Variants in LAIR1 observed in about 807,000 individuals in gnomAD.
The protein encoded by LAIR1 is leukocyte-associated immunoglobulin-like receptor 1.
A neutral mutation model predicts 32.8 loss-of-function variants in LAIR1; 24 were observed. The ratio of observed to expected loss-of-function variants is 0.73; its 90% CI spans 0.53 to 1.03. The LOEUF (loss-of-function observed/expected upper bound fraction) is 1.03, where lower values mean the gene tolerates loss of function less well. Among genes scored for constraint, LAIR1 ranks in the 50% least tolerant of loss-of-function variants. The pLI, the probability that LAIR1 is intolerant of heterozygous loss-of-function variation, is 0.00. For missense variants in LAIR1, 355 were observed against 347.5 expected (o/e 1.02, Z -0.17); for synonymous variants, 150 against 140.5 (o/e 1.07, Z -0.48).
Position 54,356,687 on chromosome 19 carries a change from C to T in LAIR1, c.455-68G>A, listed in dbSNP as rs749744389. The T allele has an allele frequency of 5.1e-4, 749 of 1,468,400 alleles. 1 individual carries two copies. The highest frequency in any genetic ancestry group is 6.9e-4 in the Admixed American group (40 of 58,058). The allele number at this position is 1,468,400 out of a possible 1,614,324, so 91.0% of individuals were successfully genotyped here. ...GAGCACCTACTGTATACCACACACACGTCACGTGCGTTTCATAGACTTACT... is the reference window on the plus strand; with the variant it reads ...GAGCACCTACTGTATACCACACACATGTCACGTGCGTTTCATAGACTTACT... On this transcript the variant is annotated intron_variant, in intron 5 of 9. Transcript: ENST00000391742.
At chr19:54,356,329 T>G (rs1056194012) in intron 7 of LAIR1, 27 bp downstream of exon 7, 1 of 1,599,204 alleles carries the variant, frequency 6.3e-7, no homozygotes, top group Non-Finnish European at 8.5e-7. Context: ...TGGGTGGAGG[T>G]CCAGGAGTCA....
rs1483981846 is a variant in LAIR1 at position 54,353,955 on chromosome 19, G to C, written c.*1313C>G. On this transcript the variant is annotated 3_prime_UTR_variant, in exon 10 of 10. Coordinates refer to ENST00000391742, the MANE Select transcript of LAIR1 (RefSeq NM_002287.6). ...TCACCGTGTTAGCCAGGATGGTCTC[G>C]ATCTCCTGACCTCGTGATCCGCCCA... is the stretch of plus-strand genomic sequence containing the variant. The C allele has an allele frequency of 1.3e-5, 2 of 151,016 alleles. No homozygotes were observed. Among genetic ancestry groups the C allele is most frequent in the Admixed American group, 6.6e-5 (1 of 15,048 alleles). 9.4% of individuals were successfully genotyped at this position (151,016 alleles called of 1,614,324 possible).
chr19:54,357,580 G>T (rs965602537), intron 4 of LAIR1: 1 of 153,744 alleles, frequency 6.5e-6, no homozygotes, highest in African/African-American at 2.4e-5. Context: ...GCACCGCCCA[G>T]GCTCCCTACG....
At chr19:54,367,473 A>G (rs1042524681), upstream of LAIR1, among the ~76,000 whole-genome samples, 1 of 152,130 alleles carries the variant, frequency 6.6e-6, no homozygotes, top group African/African-American at 2.4e-5. Flanking sequence ...GCCGGGTGCA[A>G]TGGCTCACGC....
rs751471800 is a variant in LAIR1, at chr19:54,355,431, C to T, written c.718-17G>A. 2 of 1,583,450 alleles carry T rather than the reference C, an allele frequency of 1.3e-6. No individual in the cohort carries two copies. Among genetic ancestry groups the T allele is most frequent in the Non-Finnish European group, 8.6e-7 (1 of 1,165,194 alleles). ...AGCCAGGGCCTAAGAGGGAGAGACC[C>T]AGGGTGAGGGAGTGCCTGGTGGAGG... On this transcript the variant is annotated splice_polypyrimidine_tract_variant and intron_variant, in intron 9 of 9. Transcript: ENST00000391742. This position sits in a 1 kb window ranked among gnomAD's most constrained non-coding sequence, Gnocchi z 4.7.
At chr19:54,373,366 C>G (rs1442261527), upstream of LAIR1, among the ~76,000 whole-genome samples, 2 of 152,054 alleles carry the variant, frequency 1.3e-5, no homozygotes, top group Non-Finnish European at 2.9e-5. Context: ...ATGGCATGAA[C>G]CCGGGAGGCG....
chr19:54,356,082 G>A (rs1157292913), intron 8 of LAIR1, 76 bp from the exon 9 acceptor site: 2 of 1,318,792 alleles, frequency 1.5e-6, no homozygotes, highest in African/African-American at 2.9e-5. Context: ...CCCACCCCCA[G>A]CTTCCGATGA....
In LAIR1 at chr19:54,354,388, A is replaced by T. The variant is rs2081610102; in HGVS notation, c.*880T>A. 1.3e-5 allele frequency: 2 copies of T among 152,202 alleles called. No homozygotes were observed. Among genetic ancestry groups the T allele is most frequent in the South Asian group, 4.1e-4 (2 of 4,832 alleles). The allele number at this position is 152,202 out of a possible 1,614,324, so 9.4% of individuals were successfully genotyped here. A position where few individuals can be genotyped will look rare whatever the true frequency, so the allele number is the denominator to read the frequency against. ...GATTTGTCAGAAAACACTGACACCA[A>T]TGTGAAGTCCTAAGATGAGCAAGTT... On this transcript the variant is annotated 3_prime_UTR_variant, in exon 10 of 10. Coordinates refer to ENST00000391742, the MANE Select transcript of LAIR1 (RefSeq NM_002287.6).
chr19:54,368,060 C>G (rs974064474), upstream of LAIR1: 1 of 152,074 alleles, frequency 6.6e-6, no homozygotes, highest in Admixed American at 6.6e-5. Flanking sequence ...GCGTGAGCCA[C>G]CGCGCCTGGC....
At chr19:54,367,228 G>T (rs2082283999), upstream of LAIR1, among the ~76,000 whole-genome samples, 1 of 152,290 alleles carries the variant, frequency 6.6e-6, no homozygotes, top group East Asian at 1.9e-4. Context: ...CTGCCTTGCT[G>T]ACCAGTCTTC....
At chr19:54,373,820 C>T (rs923702668), upstream of LAIR1, among the ~76,000 whole-genome samples, 3 of 152,242 alleles carry the variant, frequency 2.0e-5, no homozygotes, top group African/African-American at 7.2e-5. Context: ...CCCAGGATGA[C>T]TCAGGGACAC....
In LAIR1 at chr19:54,364,373, C is replaced by A; in HGVS notation, c.35-43G>T. 6.2e-7 allele frequency: 1 copy of A among 1,613,332 alleles called. No individual in the cohort carries two copies. Among genetic ancestry groups the A allele is most frequent in the Non-Finnish European group, 8.5e-7 (1 of 1,179,322 alleles). ...GTGAGAAAAATGCCCAGTGCCCAGT[C>A]TCCTTACGGGGCTGCTGTCAAAAGG... On this transcript the variant is annotated intron_variant, in intron 1 of 9. Coordinates refer to ENST00000391742, the MANE Select transcript of LAIR1 (RefSeq NM_002287.6). This position sits in a 1 kb window ranked among gnomAD's most constrained non-coding sequence, Gnocchi z 4.8.
chr19:54,370,335 G>C, exon 1 of LAIR1: 1 of 1,500,710 alleles, frequency 6.7e-7, no homozygotes, highest in Non-Finnish European at 9.0e-7. Flanking sequence ...CATCTTCATA[G>C]GATTCCCGAC....
rs2081727136 is a variant in LAIR1, at chr19:54,356,638, G to A, written c.455-19C>T. The stretch of plus-strand genomic sequence containing the variant: ...GGTGCATCTAAGAAAGACAGAAACA[G>A]GATTTCAGCAGTGTGCATTTATTGA... On this transcript the variant is annotated intron_variant, in intron 5 of 9. Coordinates refer to ENST00000391742, the MANE Select transcript of LAIR1 (RefSeq NM_002287.6). 1.2e-6 allele frequency: 2 copies of A among 1,612,772 alleles called. No homozygotes were observed. Among genetic ancestry groups the A allele is most frequent in the African/African-American group, 1.3e-5 (1 of 74,852 alleles).
upstream of LAIR1, among the ~76,000 whole-genome samples, chr19:54,371,926 C>T (rs753178324): frequency 3.3e-5 from 5 of 151,592 alleles, 1 homozygote; most frequent in African/African-American, 7.3e-5. Flanking sequence ...GGGCTTATTT[C>T]GTGTAGTGAT....
rs772880289 is a variant in LAIR1, at chr19:54,358,433, A to G, written c.416-1467T>C. ...ATATTATGATGTAAACATATATAATATAATTTAAATTATAGGTCTGAAATT... is the reference window on the plus strand; with the variant it reads ...ATATTATGATGTAAACATATATAATGTAATTTAAATTATAGGTCTGAAATT... On this transcript the variant is annotated intron_variant, in intron 4 of 9. Transcript: ENST00000391742. 2.6e-5 allele frequency: 13 copies of G among 492,020 alleles called. 1 individual carries two copies. Among genetic ancestry groups the G allele is most frequent in the Non-Finnish European group, 4.0e-5 (13 of 321,354 alleles). The allele number at this position is 492,020 out of a possible 1,614,324, so 30.5% of individuals were successfully genotyped here.
At chr19:54,374,534 A>C (rs769981655), upstream of LAIR1, among the ~76,000 whole-genome samples, 32 of 152,256 alleles carry the variant, frequency 2.1e-4, no homozygotes, top group Middle Eastern at 0.01. Flanking sequence ...CCCAGATCAC[A>C]GCTGTGGTTT....
chr19:54,373,118 G>A (rs1261061677), upstream of LAIR1, among the ~76,000 whole-genome samples: 2 of 147,770 alleles, frequency 1.4e-5, no homozygotes, highest in Non-Finnish European at 3.0e-5. Flanking sequence ...GGCAACAGGA[G>A]CGAAACTCTG....
intron 8 of LAIR1, 79 bp downstream of exon 8, chr19:54,356,151 C>A (rs979200191): frequency 5.7e-6 from 8 of 1,412,058 alleles, no homozygotes; most frequent in Non-Finnish European, 8.0e-6. Flanking sequence ...TTCTTCCCCC[C>A]ACCCCCCACA....
Sources: allele counts gnomAD v4.1 joint callset (sites outside exome capture counted in the v4.1 genomes callset), GRCh38; gene constraint gnomAD v4.1.1; non-coding constraint Gnocchi (gnomAD v3.1); transcripts MANE v1.5; gene names NCBI Gene and HGNC (gene_info 2026-07-23, HGNC 2026-07-21).